The following HINFP variants were observed in gnomAD, a reference collection of about 807,000 sequenced individuals.
HINFP encodes the protein MBD2 (methyl-CpG-binding protein)-interacting zinc finger protein.
Under a neutral mutation model 50.1 loss-of-function variants are expected in HINFP, and 20 were observed. That is an observed-to-expected ratio of 0.40 (90% CI 0.28 to 0.58). The LOEUF is 0.58. HINFP is among the 20% of genes least tolerant of loss of function. The probability of loss-of-function intolerance (pLI) is 0.45; values close to 1 mark genes in which losing one functional copy is unlikely to be tolerated. For missense variants in HINFP, 505 were observed against 664.1 expected (o/e 0.76, Z 2.63); for synonymous variants, 247 against 243.7 (o/e 1.01, Z -0.13).
intron 2 of HINFP, among the ~76,000 whole-genome samples, chr11:119,128,269 A>T (rs1947534961): frequency 6.6e-6 from 1 of 152,118 alleles, no homozygotes. Context: ...AGTGAACTGT[A>T]TTCTATAGTA....
Position 119,134,076 on chromosome 11 carries a change from C to G in HINFP, c.1140-8C>G, listed in dbSNP as rs1237184401. The G allele has an allele frequency of 6.2e-7, 1 of 1,614,078 alleles. No individual in the cohort carries two copies. The highest frequency in any genetic ancestry group is 1.3e-5 in the African/African-American group (1 of 75,006). On this transcript the variant is annotated splice_region_variant and splice_polypyrimidine_tract_variant and intron_variant, in intron 9 of 9. Transcript: ENST00000350777. The surrounding 1 kb of genome is among the most constrained non-coding windows in gnomAD (Gnocchi z 4.3). ...GGTTTGCTGCCCTTTATGCTCCTAC[C>G]TCACCAGGTACAAGGAACATGAAGA...
At chr11:119,123,233 A>C (rs934038782) in intron 1 of HINFP, among the ~76,000 whole-genome samples, 5 of 151,836 alleles carry the variant, frequency 3.3e-5, no homozygotes, top group African/African-American at 9.7e-5. Flanking sequence ...GAGGGAATGA[A>C]GTATGGGTGA....
rs2135072700 is a variant in HINFP at position 119,131,730 on chromosome 11, C to T, written c.523+84C>T. ...GGGACAGAAAGGGATAGGGGTCCTA[C>T]AGGGGCAAGGTTGACTGCCGGCTGG... On this transcript the variant is annotated intron_variant, in intron 4 of 9. Transcript: ENST00000350777. This position sits in a 1 kb window ranked among gnomAD's most constrained non-coding sequence, Gnocchi z 4.2. 1.3e-6 allele frequency: 2 copies of T among 1,593,384 alleles called. No homozygotes were observed. Among genetic ancestry groups the T allele is most frequent in the South Asian group, 2.2e-5 (2 of 90,582 alleles).
At chr11:119,129,444 C>CT (rs1376312217) in intron 2 of HINFP, among the ~76,000 whole-genome samples, 1 of 150,976 alleles carries the variant, frequency 6.6e-6, no homozygotes, top group Non-Finnish European at 1.5e-5. Flanking sequence ...GCAGCTGGGA[C>CT]TATAAGCATA....
At position 119,132,668 on chromosome 11, in the gene HINFP, C is replaced by A. The variant is rs1291936135; in HGVS notation, c.762C>A (p.His254Gln). ...LRDHMRNHVN[H>Q]YKCPLCDMTC... ...CCTCTCTGCTTCTCTCAGTGAATCA[C>A]TATAAGTGCCCTCTGTGTGACATGA... is the stretch of plus-strand genomic sequence containing the variant. The change falls in exon 7 of 10, where the codon CAC becomes CAA. Residue 254 changes from histidine to glutamine, a missense_variant. Transcript: ENST00000350777. 1.2e-6 allele frequency: 2 copies of A among 1,614,140 alleles called. No homozygotes were observed. The highest frequency in any genetic ancestry group is 1.7e-6 in the Non-Finnish European group (2 of 1,180,038).
chr11:119,126,354 C>CAAAA (rs55703263), intron 1 of HINFP: 1 of 62,678 alleles, frequency 1.6e-5, no homozygotes, highest in African/African-American at 5.2e-5. Context: ...AACTCAATCT[C>CAAAA]AAAAAAAAAA....
At chr11:119,122,588 T>C (rs1327243148) in intron 1 of HINFP, among the ~76,000 whole-genome samples, 1 of 152,196 alleles carries the variant, frequency 6.6e-6, no homozygotes, top group Non-Finnish European at 1.5e-5. Flanking sequence ...GATTATCTCC[T>C]GATATTTATT....
chr11:119,132,346 T>C (rs1043194291), intron 5 of HINFP, 150 bp from the exon 6 acceptor site: 11 of 705,304 alleles, frequency 1.6e-5, no homozygotes, highest in Non-Finnish European at 2.6e-5. Context: ...AGTCCCATGC[T>C]CTTTCCATGA....
rs1028850114 is a variant in HINFP, at chr11:119,133,405, C to A, written c.1139+186C>A. On this transcript the variant is annotated intron_variant, in intron 9 of 9. Transcript: ENST00000350777. ...ACCAGCCTGGCCAACATGGTGAAACCCCGTCTCTACTAAAAATACAAAAAG... is the reference window on the plus strand; with the variant it reads ...ACCAGCCTGGCCAACATGGTGAAACACCGTCTCTACTAAAAATACAAAAAG... 51 of 610,644 alleles carry A rather than the reference C, an allele frequency of 8.4e-5. 1 individual carries two copies. Among genetic ancestry groups the A allele is most frequent in the Middle Eastern group, 4.4e-4 (1 of 2,284 alleles). 37.8% of individuals were successfully genotyped at this position (610,644 alleles called of 1,614,324 possible).
Position 119,131,405 on chromosome 11 carries a change from G to C in HINFP, c.412-130G>C. 1.4e-6 allele frequency: 1 copy of C among 709,066 alleles called. No individual in the cohort carries two copies. The highest frequency in any genetic ancestry group is 2.6e-6 in the Non-Finnish European group (1 of 391,088). The allele number at this position is 709,066 out of a possible 1,614,324, so 43.9% of individuals were successfully genotyped here. A position where few individuals can be genotyped will look rare whatever the true frequency, so the allele number is the denominator to read the frequency against. On this transcript the variant is annotated intron_variant, in intron 3 of 9. Coordinates refer to ENST00000350777, the MANE Select transcript of HINFP (RefSeq NM_198971.3). This position sits in a 1 kb window ranked among gnomAD's most constrained non-coding sequence, Gnocchi z 4.2. ...CACCCGGCCACTCCTCCATTTCTGTGCAGTGCCTTTCCTCAAAATTTCCCA... is the reference window on the plus strand; with the variant it reads ...CACCCGGCCACTCCTCCATTTCTGTCCAGTGCCTTTCCTCAAAATTTCCCA...
intron 2 of HINFP, chr11:119,129,812 G>A (rs113504217): frequency 2.6e-5 from 4 of 152,040 alleles, no homozygotes; most frequent in Admixed American, 2.6e-4. Flanking sequence ...CCCACTAGTG[G>A]GTCACAACAC....
intron 1 of HINFP, among the ~76,000 whole-genome samples, chr11:119,123,559 T>C (rs1947206264): frequency 6.6e-6 from 1 of 151,910 alleles, no homozygotes. Context: ...TTTTTTTTTT[T>C]TTTGACAGGG....
intron 5 of HINFP, chr11:119,132,238 T>A (rs1469455131): frequency 1.6e-6 from 1 of 616,772 alleles, no homozygotes; most frequent in African/African-American, 1.8e-5. Context: ...TCCCCCTTTT[T>A]GCAGATGAGG....
rs149673039 is a variant in HINFP at position 119,122,608 on chromosome 11, G to A, written c.-11+969G>A. On this transcript the variant is annotated intron_variant, in intron 1 of 9. Coordinates refer to ENST00000350777, the MANE Select transcript of HINFP (RefSeq NM_198971.3). ...TCTCCTGATATTTATTGAGTACCTG[G>A]GGTGTGCAAAGCTCTGTGCTGAATC... is the stretch of plus-strand genomic sequence containing the variant. 6.5e-4 allele frequency among the ~76,000 whole-genome samples: 99 copies of A among 152,254 alleles called. 1 individual carries two copies. In the East Asian group the frequency reaches 0.012, roughly 19 times the overall value.
chr11:119,127,170 G>T, intron 2 of HINFP, 45 bp downstream of exon 2: 1 of 1,471,786 alleles, frequency 6.8e-7, no homozygotes. Flanking sequence ...AAGGAAAGGT[G>T]GAAAATCTGA....
At chr11:119,129,302 G>A (rs1268529007) in intron 2 of HINFP, among the ~76,000 whole-genome samples, 1 of 151,774 alleles carries the variant, frequency 6.6e-6, no homozygotes, top group Non-Finnish European at 1.5e-5. Context: ...GCCTCCCAAA[G>A]TGTTGGGATT....
At chr11:119,127,828 A>T (rs1016815653) in intron 2 of HINFP, among the ~76,000 whole-genome samples, 1 of 149,004 alleles carries the variant, frequency 6.7e-6, no homozygotes, top group South Asian at 2.1e-4. Context: ...GGCTTGTGCC[A>T]CCAAGTCCAA....
In HINFP at chr11:119,131,339, T is replaced by C; in HGVS notation, c.412-196T>C. 1.7e-6 allele frequency: 1 copy of C among 605,026 alleles called. No homozygotes were observed. Among genetic ancestry groups the C allele is most frequent in the Non-Finnish European group, 3.0e-6 (1 of 333,194 alleles). The allele number at this position is 605,026 out of a possible 1,614,324, so 37.5% of individuals were successfully genotyped here. On this transcript the variant is annotated intron_variant, in intron 3 of 9. Coordinates refer to ENST00000350777, the MANE Select transcript of HINFP (RefSeq NM_198971.3). The surrounding 1 kb of genome is among the most constrained non-coding windows in gnomAD (Gnocchi z 4.2). Reference sequence around the variant, plus strand: ...CTTGGCCTCAAGTGATTCTCCTGCCTCAGCCTCTCAAAGTGCTGGGATTAC... The same window carrying C: ...CTTGGCCTCAAGTGATTCTCCTGCCCCAGCCTCTCAAAGTGCTGGGATTAC...
At chr11:119,122,091 C>T (rs1232933900) in intron 1 of HINFP, 1 of 152,218 alleles carries the variant, frequency 6.6e-6, no homozygotes, top group African/African-American at 2.4e-5. Context: ...GCGTTTAGGA[C>T]CCTTTTTTTC....
Sources: gnomAD v4.1 joint callset for allele counts (sites outside exome capture counted in the v4.1 genomes callset) on GRCh38, gnomAD v4.1.1 for gene constraint, Gnocchi (gnomAD v3.1) non-coding constraint, MANE v1.5 for transcripts, NCBI Gene and HGNC (gene_info 2026-07-23, HGNC 2026-07-21) for gene names.